FES: variants seen among roughly 807,000 people sequenced by gnomAD.
FES encodes the protein tyrosine-protein kinase Fes/Fps.
Under a neutral mutation model 109.6 loss-of-function variants are expected in FES, and 83 were observed. The ratio of observed to expected loss-of-function variants is 0.76; its 90% confidence interval spans 0.63 to 0.91. The LOEUF (loss-of-function observed/expected upper bound fraction) is 0.91, where lower values mean the gene tolerates loss of function less well. Among genes scored for constraint, FES ranks in the 40% least tolerant of loss-of-function variants. The probability of loss-of-function intolerance (pLI) is 0.00; values close to 1 mark genes in which losing one functional copy is unlikely to be tolerated. For synonymous variants in FES, 458 were observed against 442.1 expected (o/e 1.04, Z -0.45); for missense variants, 943 against 1,070.9 (o/e 0.88, Z 1.67).
chr15:90,891,613 A>G lies in FES; in HGVS notation c.1590A>G (p.Leu530=), dbSNP rs1369076070. The G allele has an allele frequency of 7.4e-6, 12 of 1,613,834 alleles. No homozygotes were observed. The highest frequency in any genetic ancestry group is 6.7e-5 in the East Asian group (3 of 44,876). Residue 530 remains leucine (L), a synonymous_variant, in exon 12 of 19, where the codon CTA becomes CTG. Coordinates refer to ENST00000328850, the MANE Select transcript of FES (RefSeq NM_002005.4). ...FPSIPLLIDH[L]LSTQQPLTKK... ...GCATTCCTTTGCTCATCGACCACCT[A>G]CTGAGCACCCAGCAGCCCCTCACCA...
In FES at chr15:90,895,655, G is replaced by C; in HGVS notation, c.*97G>C. On this transcript the variant is annotated 3_prime_UTR_variant, in exon 19 of 19. Transcript: ENST00000328850. ...ATGCTGACAGCTCTTCACAGTCCTGGACTCCTGCCACCAGCATCCACACTG... is the reference window on the plus strand; with the variant it reads ...ATGCTGACAGCTCTTCACAGTCCTGCACTCCTGCCACCAGCATCCACACTG... 1.7e-6 allele frequency: 2 copies of C among 1,154,132 alleles called. No homozygotes were observed. Among genetic ancestry groups the C allele is most frequent in the Non-Finnish European group, 2.3e-6 (2 of 854,600 alleles). The allele number at this position is 1,154,132 out of a possible 1,614,324, so 71.5% of individuals were successfully genotyped here.
chr15:90,893,051 T>C, intron 14 of FES, 49 bp from the exon 15 acceptor site: 1 of 1,579,404 alleles, frequency 6.3e-7, no homozygotes, highest in Non-Finnish European at 8.6e-7. Context: ...TGGGGGGCCC[T>C]GGGGAGGCGG....
intron 18 of FES, among the ~76,000 whole-genome samples, chr15:90,894,456 G>C (rs187540411): frequency 2.8e-4 from 42 of 152,118 alleles, no homozygotes; most frequent in African/African-American, 8.7e-4. Flanking sequence ...ATGGTGGCAC[G>C]TGCCTGTAAT....
chr15:90,893,581 C>G, intron 16 of FES, 73 bp from the exon 17 acceptor site: 1 of 1,510,202 alleles, frequency 6.6e-7, no homozygotes. Flanking sequence ...TTGTCCTTGG[C>G]TTTCCTAGAG....
chr15:90,891,780 G>T, intron 12 of FES, 104 bp downstream of exon 12: 1 of 1,499,660 alleles, frequency 6.7e-7, no homozygotes, highest in Non-Finnish European at 9.0e-7. Flanking sequence ...CAGGCCCTCC[G>T]TCTACATACA....
intron 18 of FES, 75 bp downstream of exon 18, chr15:90,894,133 C>T: frequency 6.6e-7 from 1 of 1,525,570 alleles, no homozygotes; most frequent in Non-Finnish European, 8.9e-7. Context: ...TTCTAACTCC[C>T]TTAATGCCAA....
Position 90,893,116 on chromosome 15 carries a change from A to C in FES, c.1843A>C (p.Ser615Arg). ...LQEARILKQY[S>R]HPNIVRLIGV... The stretch of plus-strand genomic sequence containing the variant: ...GCCCTCCAGGATCCTGAAGCAGTAC[A>C]GCCACCCCAACATCGTGCGTCTCAT... The change falls in exon 15 of 19, where the codon AGC (serine) becomes CGC (arginine). Residue 615 changes from serine (S) to arginine (R), a missense_variant. Ser to Arg is a moderately radical substitution (Grantham distance 110). Transcript: ENST00000328850. 1 of 1,613,756 alleles carries C rather than the reference A, an allele frequency of 6.2e-7. No individual in the cohort carries two copies. Among genetic ancestry groups the C allele is most frequent in the Non-Finnish European group, 8.5e-7 (1 of 1,179,912 alleles).
intron 3 of FES, among the ~76,000 whole-genome samples, chr15:90,886,306 C>A (rs1487712750): frequency 1.3e-5 from 2 of 152,242 alleles, no homozygotes; most frequent in African/African-American, 2.4e-5. Flanking sequence ...TTCATATTGT[C>A]TGTGACTACA....
rs1259432993 is a variant in FES, at chr15:90,891,185, C to A, written c.1524C>A (p.Ser508=). The A allele has an allele frequency of 1.3e-5, 20 of 1,555,074 alleles. No individual in the cohort carries two copies. The highest frequency in any genetic ancestry group is 1.6e-5 in the Non-Finnish European group (18 of 1,149,832). The change falls in exon 11 of 19, where the codon TCC becomes TCA. Residue 508 remains serine, a synonymous_variant. Transcript: ENST00000328850. ...DGLPRHFIIQ[S]LDNLYRLEGE... ...TGCCCCGGCACTTCATCATCCAGTC[C>A]TTGGATGTGAGTGGGGCTGGGACCC...
At position 90,895,630 on chromosome 15, in the gene FES, A is replaced by G. The variant is rs377057735; in HGVS notation, c.*72A>G. ...CAGCTCCTCAGCGGCTCCAGCTCAT[A>G]TGCTGACAGCTCTTCACAGTCCTGG... On this transcript the variant is annotated 3_prime_UTR_variant, in exon 19 of 19. Transcript: ENST00000328850. 14 of 1,357,886 alleles carry G rather than the reference A, an allele frequency of 1.0e-5. No individual in the cohort carries two copies. The Middle Eastern group carries it at 7.9e-4, about 77-fold the overall frequency. The allele number at this position is 1,357,886 out of a possible 1,614,324, so 84.1% of individuals were successfully genotyped here. A position where few individuals can be genotyped will look rare whatever the true frequency, so the allele number is the denominator to read the frequency against.
intron 5 of FES, among the ~76,000 whole-genome samples, chr15:90,888,399 G>A (rs937434588): frequency 6.6e-6 from 1 of 152,230 alleles, no homozygotes; most frequent in African/African-American, 2.4e-5. Flanking sequence ...GAGCCACCAT[G>A]CCCAGCCCTG....
chr15:90,895,102 C>T (rs1490321639), intron 18 of FES, among the ~76,000 whole-genome samples: 3 of 152,106 alleles, frequency 2.0e-5, no homozygotes, highest in Non-Finnish European at 1.5e-5. Context: ...ATCCCTGTAG[C>T]TACTACTGAG....
intron 9 of FES, 53 bp from the exon 10 acceptor site, chr15:90,890,348 G>GCCCTCC: frequency 1.3e-6 from 2 of 1,595,196 alleles, no homozygotes; most frequent in Non-Finnish European, 8.5e-7. Flanking sequence ...CCTCATTTTC[G>GCCCTCC]CCCTCCCCCT....
At chr15:90,894,800 C>T (rs2033562911) in intron 18 of FES, among the ~76,000 whole-genome samples, 2 of 151,892 alleles carry the variant, frequency 1.3e-5, no homozygotes, top group Admixed American at 6.6e-5. Flanking sequence ...GGCGCAGTGG[C>T]TCACGCCTGT....
rs2032350253 is a variant in FES at position 90,884,557 on chromosome 15, C to G, written c.-10+13C>G. 6.4e-6 allele frequency: 1 copy of G among 157,308 alleles called. No individual in the cohort carries two copies. Among genetic ancestry groups the G allele is most frequent in the Non-Finnish European group, 1.4e-5 (1 of 71,362 alleles). 9.7% of individuals were successfully genotyped at this position (157,308 alleles called of 1,614,324 possible). On this transcript the variant is annotated intron_variant, in intron 1 of 18. Transcript: ENST00000328850. ...GCTGCCCGTGCGGGTACCTCTAGCC[C>G]CGGGGCCTGGAGGAGCGGTGGGAGC...
Position 90,894,004 on chromosome 15 carries a change from GC to G in FES, c.2274del (p.Ser759ProfsTer79). ...ILLWETFSLG[A>X]SPYPNLSNQQ... Reference sequence around the variant, plus strand: ...GCTCTGGGAGACCTTCAGCCTGGGGGCCTCCCCCTATCCCAACCTCAGCAAT... The same window carrying G: ...GCTCTGGGAGACCTTCAGCCTGGGGGCTCCCCCTATCCCAACCTCAGCAAT... On this transcript the variant is annotated frameshift_variant, in exon 18 of 19. Transcript: ENST00000328850. LOFTEE classifies it high-confidence loss of function. 6.2e-7 allele frequency: 1 copy of G among 1,613,860 alleles called. No homozygotes were observed. The highest frequency in any genetic ancestry group is 1.1e-5 in the South Asian group (1 of 91,088).
At chr15:90,888,848 G>A (rs1434073278) in intron 5 of FES, among the ~76,000 whole-genome samples, 1 of 151,640 alleles carries the variant, frequency 6.6e-6, no homozygotes, top group African/African-American at 2.4e-5. Flanking sequence ...CGCGATCTTG[G>A]CTCACTGCAA....
rs1197201888 is a variant in FES at position 90,890,720 on chromosome 15, GC to G, written c.1320+237del. Among the ~76,000 whole-genome samples the G allele has an allele frequency of 2.9e-4, 5 of 17,074 alleles. No individual in the cohort carries two copies. The South Asian group carries it at 9.1e-3, about 31-fold the overall frequency. 11.2% of individuals were successfully genotyped at this position (17,074 alleles called of 152,430 possible). On this transcript the variant is annotated intron_variant, in intron 10 of 18. Coordinates refer to ENST00000328850, the MANE Select transcript of FES (RefSeq NM_002005.4). The stretch of plus-strand genomic sequence containing the variant: ...TTCCATGGCTCTCCCTGCTTCAGGA[GC>G]GGGTTGGGGGCCTGTGGCCTGGAGG...
chr15:90,887,782 A>G (rs983589103), intron 5 of FES, among the ~76,000 whole-genome samples: 5 of 152,230 alleles, frequency 3.3e-5, no homozygotes, highest in African/African-American at 1.2e-4. Flanking sequence ...CCATAGAGTG[A>G]TCTGGGAAAG....
Sources: allele counts gnomAD v4.1 joint callset (sites outside exome capture counted in the v4.1 genomes callset), GRCh38; gene constraint gnomAD v4.1.1; transcripts MANE v1.5; gene names NCBI Gene and HGNC (gene_info 2026-07-23, HGNC 2026-07-21).